The following SYCP1 variants were observed in gnomAD, a reference collection of about 807,000 sequenced individuals.
The protein encoded by SYCP1 is synaptonemal complex protein 1.
Under a neutral mutation model 153.1 loss-of-function variants are expected in SYCP1, and 64 were observed. That is an observed-to-expected ratio of 0.42 (90% CI 0.34 to 0.51). SYCP1 has a LOEUF of 0.51. Ranked by LOEUF, SYCP1 falls within the 20% of genes least tolerant of loss-of-function variation. The pLI, the probability that SYCP1 is intolerant of heterozygous loss-of-function variation, is 0.06. For synonymous variants in SYCP1, 384 were observed against 341.8 expected (o/e 1.12, Z -1.36); for missense variants, 997 against 1,049.0 (o/e 0.95, Z 0.68).
At chr1:114,985,582 C>T (rs1309290497) in intron 30 of SYCP1, among the ~76,000 whole-genome samples, 1 of 151,862 alleles carries the variant, frequency 6.6e-6, no homozygotes, top group Admixed American at 6.6e-5. Flanking sequence ...ATTATTCCCA[C>T]TTATAACTAG....
chr1:114,913,915 A>G (rs1668343814), intron 19 of SYCP1, 60 bp from the exon 20 acceptor site: 1 of 1,244,906 alleles, frequency 8.0e-7, no homozygotes, highest in African/African-American at 1.6e-5. Flanking sequence ...CTTAAATAGT[A>G]GTTTAAATTT....
chr1:114,925,162 TTTAGTTCATATTTA>T (rs1658166828), intron 21 of SYCP1, among the ~76,000 whole-genome samples: 2 of 152,140 alleles, frequency 1.3e-5, no homozygotes, highest in Non-Finnish European at 2.9e-5. Context: ...CTATTTTTCC[TTTAGTTCATATTTA>T]TTAGTTAAAT....
intron 27 of SYCP1, among the ~76,000 whole-genome samples, chr1:114,951,035 A>G (rs1327433359): frequency 1.3e-5 from 2 of 152,072 alleles, no homozygotes; most frequent in African/African-American, 2.4e-5. Flanking sequence ...TGTGTTAGCC[A>G]GGATGGTCTC....
At chr1:114,937,913 A>G (rs1480238194) in intron 23 of SYCP1, among the ~76,000 whole-genome samples, 1 of 152,132 alleles carries the variant, frequency 6.6e-6, no homozygotes, top group Non-Finnish European at 1.5e-5. Flanking sequence ...GCTGGAGAGG[A>G]TGTGGAGAAA....
At chr1:114,945,949 T>G (rs1670679484) in intron 25 of SYCP1, among the ~76,000 whole-genome samples, 1 of 152,144 alleles carries the variant, frequency 6.6e-6, no homozygotes, top group Non-Finnish European at 1.5e-5. Flanking sequence ...TGTCCCAGAT[T>G]TGAAATCAGT....
chr1:114,913,227 C>G, intron 19 of SYCP1, 77 bp downstream of exon 19: 4 of 1,161,860 alleles, frequency 3.4e-6, no homozygotes, highest in Non-Finnish European at 3.8e-6. Flanking sequence ...TCTAAAGACC[C>G]TTTGACCTTT....
intron 8 of SYCP1, among the ~76,000 whole-genome samples, chr1:114,871,002 T>G (rs1267541892): frequency 6.6e-6 from 1 of 152,198 alleles, no homozygotes; most frequent in Non-Finnish European, 1.5e-5. Flanking sequence ...GATTCCAGTT[T>G]CTCTCCTTTC....
At chr1:114,872,453 C>T (rs1665217142) in intron 8 of SYCP1, among the ~76,000 whole-genome samples, 1 of 151,870 alleles carries the variant, frequency 6.6e-6, no homozygotes, top group Non-Finnish European at 1.5e-5. Flanking sequence ...ATGTTTTTTT[C>T]CTCTAGCTTT....
intron 27 of SYCP1, among the ~76,000 whole-genome samples, chr1:114,947,894 T>A (rs1336070313): frequency 6.7e-6 from 1 of 149,810 alleles, no homozygotes; most frequent in Non-Finnish European, 1.5e-5. Flanking sequence ...TTAATGTATA[T>A]CCTTCTAGCA....
At chr1:114,977,227 A>T (rs1465258684) in intron 27 of SYCP1, among the ~76,000 whole-genome samples, 1 of 151,716 alleles carries the variant, frequency 6.6e-6, no homozygotes, top group Non-Finnish European at 1.5e-5. Context: ...TTCACAGCTT[A>T]GTTACTTGTG....
At chr1:114,898,680 A>C (rs1667221911) in intron 16 of SYCP1, among the ~76,000 whole-genome samples, 1 of 152,216 alleles carries the variant, frequency 6.6e-6, no homozygotes, top group Admixed American at 6.5e-5. Context: ...AAAAAAACAA[A>C]TCATGATAGG....
At chr1:114,883,026 A>G (rs1225534977) in intron 12 of SYCP1, among the ~76,000 whole-genome samples, 2 of 152,204 alleles carry the variant, frequency 1.3e-5, no homozygotes, top group Non-Finnish European at 2.9e-5. Flanking sequence ...CAACTTTGCC[A>G]GGGTCTGCAA....
At chr1:114,895,154 GTA>G (rs1222179733) in intron 15 of SYCP1, among the ~76,000 whole-genome samples, 3 of 151,960 alleles carry the variant, frequency 2.0e-5, no homozygotes, top group African/African-American at 4.8e-5. Context: ...GAAGGTAAAT[GTA>G]CATTCTGACC....
chr1:114,884,248 A>G lies in SYCP1; in HGVS notation c.911-1287A>G, dbSNP rs138799762. On this transcript the variant is annotated intron_variant, in intron 12 of 31. Transcript: ENST00000369522. The stretch of plus-strand genomic sequence containing the variant: ...ACTTATTCGTTATACTTCAAGCCTT[A>G]TGCTCCTAAAATACATTTTCTCTAG... Among the ~76,000 whole-genome samples, 158 of 152,226 alleles carry G rather than the reference A, an allele frequency of 1.0e-3. 2 individuals are homozygous for G. The highest frequency in any genetic ancestry group is 3.7e-3 in the African/African-American group (153 of 41,552).
chr1:114,956,405 G>A (rs74113416), intron 27 of SYCP1, among the ~76,000 whole-genome samples: 4,664 of 152,246 alleles, frequency 0.031, 223 homozygotes, highest in African/African-American at 0.11. Flanking sequence ...CTAATTCTCA[G>A]CTCCAGTCCA....
At chr1:114,978,811 C>A (rs1672961503) in intron 28 of SYCP1, among the ~76,000 whole-genome samples, 1 of 151,566 alleles carries the variant, frequency 6.6e-6, no homozygotes, top group Non-Finnish European at 1.5e-5. Flanking sequence ...CACTTGAAAA[C>A]ATTATATCTG....
chr1:114,934,709 A>G (rs1023255770), intron 23 of SYCP1, among the ~76,000 whole-genome samples: 3 of 152,112 alleles, frequency 2.0e-5, no homozygotes, highest in Non-Finnish European at 4.4e-5. Flanking sequence ...AGGGGTGGAG[A>G]AAGATCTACC....
At chr1:114,952,160 TTC>T (rs1402241131) in intron 27 of SYCP1, among the ~76,000 whole-genome samples, 1 of 152,176 alleles carries the variant, frequency 6.6e-6, no homozygotes, top group Non-Finnish European at 1.5e-5. Flanking sequence ...GTTTTCATTT[TTC>T]TGAAACAACT....
chr1:114,909,532 A>ACG (rs1668044329), intron 16 of SYCP1, among the ~76,000 whole-genome samples: 1 of 137,112 alleles, frequency 7.3e-6, no homozygotes, highest in African/African-American at 2.8e-5. Context: ...ACACACACAC[A>ACG]CACGTTTATA....
Sources: gnomAD v4.1 joint callset for allele counts (sites outside exome capture counted in the v4.1 genomes callset) on GRCh38, gnomAD v4.1.1 for gene constraint, MANE v1.5 for transcripts, NCBI Gene and HGNC (gene_info 2026-07-23, HGNC 2026-07-21) for gene names.